The following PDZRN3 variants were observed in gnomAD, a reference collection of about 807,000 sequenced individuals.
The protein encoded by PDZRN3 is PDZ domain containing ring finger 3, also known as E3 ubiquitin-protein ligase PDZRN3.
In PDZRN3, 38 loss-of-function variants were observed where a neutral mutation model predicts 85.7. That is an observed-to-expected ratio of 0.44 (90% CI 0.34 to 0.58). The LOEUF (loss-of-function observed/expected upper bound fraction) is 0.58. Among genes scored for constraint, PDZRN3 ranks in the 20% least tolerant of loss-of-function variants. PDZRN3 has a pLI of 0.01. For missense variants in PDZRN3, 1,629 were observed against 1,506.4 expected (o/e 1.08, Z -1.35); for synonymous variants, 759 against 638.0 (o/e 1.19, Z -2.86).
At chr3:73,607,146 T>C (rs1702613477) in intron 2 of PDZRN3, among the ~76,000 whole-genome samples, 1 of 152,234 alleles carries the variant, frequency 6.6e-6, no homozygotes, top group African/African-American at 2.4e-5. Context: ...ACCGCTTTCT[T>C]CTAGCTCAGG....
At chr3:73,493,214 G>A (rs1703806280) in intron 3 of PDZRN3, among the ~76,000 whole-genome samples, 1 of 152,012 alleles carries the variant, frequency 6.6e-6, no homozygotes, top group Non-Finnish European at 1.5e-5. Context: ...TGACACCCAA[G>A]GTCTCTCTAG....
At chr3:73,619,215 T>A (rs911894017) in intron 1 of PDZRN3, among the ~76,000 whole-genome samples, 1 of 152,198 alleles carries the variant, frequency 6.6e-6, no homozygotes, top group African/African-American at 2.4e-5. Context: ...ACCTGAAAAG[T>A]TTTGATGACT....
intron 3 of PDZRN3, among the ~76,000 whole-genome samples, chr3:73,598,076 G>A (rs1448697069): frequency 6.6e-6 from 1 of 152,158 alleles, no homozygotes; most frequent in African/African-American, 2.4e-5. Flanking sequence ...ACTTTCAGTA[G>A]AGTAAGATTG....
intron 1 of PDZRN3, among the ~76,000 whole-genome samples, chr3:73,610,861 T>C (rs1702674150): frequency 6.6e-6 from 1 of 152,236 alleles, no homozygotes; most frequent in African/African-American, 2.4e-5. Context: ...TTGACAATGA[T>C]AACAGCTAAC....
At chr3:73,611,871 C>T (rs189096962) in intron 1 of PDZRN3, among the ~76,000 whole-genome samples, 1 of 152,222 alleles carries the variant, frequency 6.6e-6, no homozygotes, top group Admixed American at 6.5e-5. Context: ...TTAACCTGTT[C>T]CTAGGGTCAA....
intron 6 of PDZRN3, among the ~76,000 whole-genome samples, chr3:73,390,685 T>C (rs966956580): frequency 1.4e-5 from 2 of 147,288 alleles, no homozygotes; most frequent in Admixed American, 1.4e-4. Flanking sequence ...CTTTAAAAAG[T>C]GTAAGTGATT....
chr3:73,467,768 A>G (rs994029391), intron 3 of PDZRN3, among the ~76,000 whole-genome samples: 6 of 152,198 alleles, frequency 3.9e-5, no homozygotes, highest in Non-Finnish European at 8.8e-5. Flanking sequence ...GACAAGCATT[A>G]CTGATTTTCC....
intron 3 of PDZRN3, among the ~76,000 whole-genome samples, chr3:73,543,612 C>T (rs1480020490): frequency 2.6e-5 from 4 of 152,162 alleles, no homozygotes; most frequent in Non-Finnish European, 5.9e-5. Context: ...TTCCACAGTC[C>T]AATTCCAAGG....
intron 3 of PDZRN3, among the ~76,000 whole-genome samples, chr3:73,435,186 G>A (rs1702508703): frequency 1.3e-5 from 2 of 152,130 alleles, no homozygotes; most frequent in Admixed American, 1.3e-4. Context: ...ATCCCACTTG[G>A]GCTGATGGCC....
At chr3:73,435,092 C>A (rs71300575) in intron 3 of PDZRN3, among the ~76,000 whole-genome samples, 11,280 of 152,232 alleles carry the variant, frequency 0.074, 442 homozygotes, top group Middle Eastern at 0.18. Context: ...CTTGCTGAGA[C>A]GTGCCATGGG....
chr3:73,595,874 T>C (rs796623813), intron 3 of PDZRN3, among the ~76,000 whole-genome samples: 2 of 152,284 alleles, frequency 1.3e-5, no homozygotes, highest in South Asian at 2.1e-4. Context: ...CATGTGTACA[T>C]GTGTTTATAT....
At chr3:73,503,102 T>A (rs1442060654) in intron 3 of PDZRN3, among the ~76,000 whole-genome samples, 1 of 152,212 alleles carries the variant, frequency 6.6e-6, no homozygotes, top group Admixed American at 6.5e-5. Flanking sequence ...CTTTCTTGAT[T>A]TTAACTTAAA....
intron 3 of PDZRN3, among the ~76,000 whole-genome samples, chr3:73,485,867 T>C (rs1025551145): frequency 1.6e-4 from 24 of 152,204 alleles, no homozygotes; most frequent in African/African-American, 4.8e-4. Context: ...AAGGCAAAGA[T>C]GATAAAAACC....
intron 3 of PDZRN3, among the ~76,000 whole-genome samples, chr3:73,431,334 G>T (rs1228914329): frequency 6.6e-6 from 1 of 152,336 alleles, no homozygotes; most frequent in African/African-American, 2.4e-5. Flanking sequence ...AAAAGAAACT[G>T]TAGGCAGCTT....
chr3:73,431,456 C>T (rs1702429406), intron 3 of PDZRN3, among the ~76,000 whole-genome samples: 1 of 152,216 alleles, frequency 6.6e-6, no homozygotes. Flanking sequence ...CGAGGGCTTA[C>T]TGAAGCCAGA....
chr3:73,521,683 C>A (rs4676930), intron 3 of PDZRN3, among the ~76,000 whole-genome samples: 148,277 of 151,788 alleles, frequency 0.98, 72,507 homozygotes, highest in East Asian at 1. Flanking sequence ...TGTAATTATT[C>A]TTCTTATTAT....
intron 3 of PDZRN3, among the ~76,000 whole-genome samples, chr3:73,451,002 G>C (rs1414779680): frequency 6.6e-6 from 1 of 151,842 alleles, no homozygotes; most frequent in African/African-American, 2.4e-5. Flanking sequence ...AGGCCATTGG[G>C]GAAACCTACC....
At chr3:73,395,221 G>A (rs778722105) in intron 5 of PDZRN3, among the ~76,000 whole-genome samples, 5 of 152,230 alleles carry the variant, frequency 3.3e-5, no homozygotes, top group African/African-American at 4.8e-5. Context: ...TGGGTGGTTT[G>A]TAAATTCTCA....
At chr3:73,573,802 C>T (rs4676933) in intron 3 of PDZRN3, among the ~76,000 whole-genome samples, 27,685 of 133,324 alleles carry the variant, frequency 0.21, 2,696 homozygotes, top group Middle Eastern at 0.38. Context: ...CATATACATA[C>T]ACATACACCT....
Sources: allele counts gnomAD v4.1 joint callset (sites outside exome capture counted in the v4.1 genomes callset), GRCh38; gene constraint gnomAD v4.1.1; transcripts MANE v1.5; gene names NCBI Gene and HGNC (gene_info 2026-07-23, HGNC 2026-07-21).